The following UPB1 variants were observed in gnomAD, a reference collection of about 807,000 sequenced individuals.
UPB1 encodes beta-ureidopropionase 1.
Under a neutral mutation model 49.1 loss-of-function variants are expected in UPB1, and 40 were observed. That is an observed-to-expected ratio of 0.81 (90% CI 0.63 to 1.06). The LOEUF (loss-of-function observed/expected upper bound fraction) is 1.06, where lower values mean the gene tolerates loss of function less well. Ranked by LOEUF, UPB1 falls within the 50% of genes least tolerant of loss-of-function variation. The pLI, the probability that UPB1 is intolerant of heterozygous loss-of-function variation, is 0.00. For synonymous variants in UPB1, 207 were observed against 198.2 expected (o/e 1.04, Z -0.38); for missense variants, 499 against 505.9 (o/e 0.99, Z 0.13).
chr22:24,520,052 G>T, intron 6 of UPB1: 2 of 393,022 alleles, frequency 5.1e-6, no homozygotes, highest in Non-Finnish European at 9.6e-6. Context: ...TTCAGAAAAG[G>T]AAACTGAGGC....
intron 6 of UPB1, among the ~76,000 whole-genome samples, chr22:24,515,917 A>G (rs1429415807): frequency 1.3e-5 from 2 of 152,354 alleles, no homozygotes; most frequent in East Asian, 1.9e-4. Flanking sequence ...CGGAGGTTGC[A>G]GTGAGCCAAG....
Position 24,527,482 on chromosome 22 carries a change from A to G in UPB1, c.*1688A>G, listed in dbSNP as rs1474080278. 2 of 152,238 alleles carry G rather than the reference A, an allele frequency of 1.3e-5. No homozygotes were observed. The highest frequency in any genetic ancestry group is 1.3e-4 in the Admixed American group (2 of 15,286). The allele number at this position is 152,238 out of a possible 1,614,324, so 9.4% of individuals were successfully genotyped here. ...AGCGCCTATTTAGCCCTGTCCCTGA[A>G]CAACACGGCAAGAGCCCAACCTGCC... is the stretch of plus-strand genomic sequence containing the variant. On this transcript the variant is annotated 3_prime_UTR_variant, in exon 10 of 10. Coordinates refer to ENST00000326010, the MANE Select transcript of UPB1 (RefSeq NM_016327.3).
chr22:24,510,986 T>C (rs2044189099), intron 4 of UPB1, 143 bp downstream of exon 4: 1 of 792,690 alleles, frequency 1.3e-6, no homozygotes, highest in Non-Finnish European at 2.0e-6. Context: ...TAGATAAGAC[T>C]ATCTGCCACT....
chr22:24,517,757 G>T (rs546450952), intron 6 of UPB1, among the ~76,000 whole-genome samples: 37 of 152,368 alleles, frequency 2.4e-4, no homozygotes, highest in African/African-American at 8.2e-4. Context: ...GAGGCTGGCA[G>T]TAAAAACTAA....
intron 4 of UPB1, among the ~76,000 whole-genome samples, chr22:24,511,583 C>T (rs1019817809): frequency 6.8e-6 from 1 of 148,078 alleles, no homozygotes; most frequent in Non-Finnish European, 1.5e-5. Context: ...TAAAGTGAAT[C>T]TTATGCTCTG....
At chr22:24,510,684 G>T (rs2044182276) in intron 3 of UPB1, 65 bp from the exon 4 acceptor site, 1 of 1,524,222 alleles carries the variant, frequency 6.6e-7, no homozygotes, top group Non-Finnish European at 9.1e-7. Flanking sequence ...CCGCTGCTGG[G>T]CTGAGGAGCC....
chr22:24,508,044 T>C (rs1463617571), intron 3 of UPB1, among the ~76,000 whole-genome samples: 1 of 152,282 alleles, frequency 6.6e-6, no homozygotes, highest in East Asian at 1.9e-4. Context: ...GGAGCTGTTT[T>C]CTTCTTTCTA....
At chr22:24,514,513 G>A (rs981105828) in intron 5 of UPB1, among the ~76,000 whole-genome samples, 7 of 152,184 alleles carry the variant, frequency 4.6e-5, no homozygotes, top group African/African-American at 1.7e-4. Context: ...TCCTGGAGCA[G>A]ATCTGTTTGG....
intron 4 of UPB1, 106 bp downstream of exon 4, chr22:24,510,949 T>A: frequency 8.7e-7 from 1 of 1,153,578 alleles, no homozygotes; most frequent in Non-Finnish European, 1.3e-6. Flanking sequence ...AATGCACCCA[T>A]TTGGTGCTTG....
intron 1 of UPB1, among the ~76,000 whole-genome samples, chr22:24,499,143 A>G (rs1194050312): frequency 1.3e-5 from 2 of 152,184 alleles, no homozygotes; most frequent in Non-Finnish European, 2.9e-5. Flanking sequence ...GGGCCGTCAC[A>G]TGGAAAGTGC....
At chr22:24,504,723 CTTTTTTTTT>C (rs35606558) in intron 3 of UPB1, among the ~76,000 whole-genome samples, 1 of 91,756 alleles carries the variant, frequency 1.1e-5, no homozygotes, top group Non-Finnish European at 2.0e-5. Flanking sequence ...GTATTTCCTC[CTTTTTTTTT>C]TTTTTTTTTT....
chr22:24,515,297 C>G lies in UPB1; in HGVS notation c.718C>G (p.Leu240Val), dbSNP rs781352126. ...CATTTGCTACGGGCGGCACCACCCC[C>G]TCAACTGGCTTATGTACAGCATCAA... ...VNICYGRHHP[L>V]NWLMYSINGA... Residue 240 changes from leucine to valine, a missense_variant, in exon 6 of 10, where the codon CTC becomes GTC. Physicochemically the swap from Leu to Val is conservative, Grantham distance 32. Transcript: ENST00000326010. 4 of 1,614,190 alleles carry G rather than the reference C, an allele frequency of 2.5e-6. 1 individual carries two copies. In the South Asian group the frequency reaches 4.4e-5, roughly 18 times the overall value.
intron 3 of UPB1, among the ~76,000 whole-genome samples, chr22:24,509,362 A>G (rs9612640): frequency 5.3e-3 from 39 of 7,320 alleles, no homozygotes; most frequent in African/African-American, 0.016. Context: ...CTACTGTTTG[A>G]AAAAAAAAAA....
rs566831305 is a variant in UPB1, at chr22:24,528,240, A to C, written c.*2446A>C. ...TTGTGAAACAGGCATGAATAAATGG[A>C]CCACAACTCTTTGATTATCTGCAAC... On this transcript the variant is annotated 3_prime_UTR_variant, in exon 10 of 10. Transcript: ENST00000326010. 9 of 152,370 alleles carry C rather than the reference A, an allele frequency of 5.9e-5. No homozygotes were observed. The highest frequency in any genetic ancestry group is 1.9e-4 in the African/African-American group (8 of 41,586). The allele number at this position is 152,370 out of a possible 1,614,324, so 9.4% of individuals were successfully genotyped here.
chr22:24,500,247 C>A lies in UPB1; in HGVS notation c.245C>A (p.Pro82His). 6.2e-7 allele frequency: 1 copy of A among 1,614,210 alleles called. No homozygotes were observed. The highest frequency in any genetic ancestry group is 1.1e-5 in the South Asian group (1 of 91,088). Residue 82 changes from proline to histidine, a missense_variant, in exon 2 of 10, where the codon CCC becomes CAC. Transcript: ENST00000326010. ...VHVGLVQNRI[P>H]LPANAPVAEQ... ...GTGGGGCTGGTTCAGAACAGAATCC[C>A]CCTCCCCGCAAATGCCCCTGTGGCA...
intron 6 of UPB1, chr22:24,518,259 C>T (rs2044331190): frequency 6.6e-6 from 1 of 152,148 alleles, no homozygotes. Context: ...GAGCTAAGCA[C>T]ATTACAGCCC....
Position 24,495,367 on chromosome 22 carries a change from G to A in UPB1, c.-37G>A, listed in dbSNP as rs1409813750. ...TCCCACTGCGGGCAAAGGGCAGGCA[G>A]TTCGTGCGCGGACACAAGCACTGGC... On this transcript the variant is annotated 5_prime_UTR_variant, in exon 1 of 10. Transcript: ENST00000326010. 3 of 1,608,286 alleles carry A rather than the reference G, an allele frequency of 1.9e-6. No individual in the cohort carries two copies. Among genetic ancestry groups the A allele is most frequent in the Non-Finnish European group, 2.5e-6 (3 of 1,178,228 alleles).
rs5760458 is a variant in UPB1, at chr22:24,502,364, G to A, written c.364+151G>A. On this transcript the variant is annotated intron_variant, in intron 3 of 9. Coordinates refer to ENST00000326010, the MANE Select transcript of UPB1 (RefSeq NM_016327.3). ...CTCCGTCCACATCACCAGGAACCCC[G>A]GCCTCCCTGCTGTTACGCACCGAGC... is the stretch of plus-strand genomic sequence containing the variant. 6.9e-4 allele frequency: 604 copies of A among 872,418 alleles called. 1 individual carries two copies. In the East Asian group the frequency reaches 0.012, roughly 17 times the overall value. 54.0% of individuals were successfully genotyped at this position (872,418 alleles called of 1,614,324 possible).
At chr22:24,508,276 G>A (rs1234381913) in intron 3 of UPB1, among the ~76,000 whole-genome samples, 1 of 152,188 alleles carries the variant, frequency 6.6e-6, no homozygotes, top group Non-Finnish European at 1.5e-5. Context: ...AATGGACTTG[G>A]GGCCAGATGT....
Sources: allele counts gnomAD v4.1 joint callset (sites outside exome capture counted in the v4.1 genomes callset), GRCh38; gene constraint gnomAD v4.1.1; transcripts MANE v1.5; gene names NCBI Gene and HGNC (gene_info 2026-07-23, HGNC 2026-07-21).